Variants in CCDC159 observed in about 807,000 individuals in gnomAD.
The protein encoded by CCDC159 is coiled-coil domain-containing protein 159.
In CCDC159, 40 loss-of-function variants were observed where a neutral mutation model predicts 50.9. The ratio of observed to expected loss-of-function variants is 0.79; its 90% confidence interval spans 0.61 to 1.02. The LOEUF (loss-of-function observed/expected upper bound fraction) is 1.02, where lower values mean the gene tolerates loss of function less well. CCDC159 is among the 50% of genes least tolerant of loss of function. The pLI is 0.00. For synonymous variants in CCDC159, 146 were observed against 138.9 expected, an observed-to-expected ratio of 1.05 and a Z score of -0.36; for missense variants, 356 against 371.5, an observed-to-expected ratio of 0.96 and a Z score of 0.34.
rs1422142793 is a variant in CCDC159 at position 11,354,598 on chromosome 19, G to A, written c.791G>A (p.Cys264Tyr). Residue 264 changes from cysteine (C) to tyrosine (Y), a missense_variant, in exon 10 of 11, where the codon TGC becomes TAC. By Grantham distance (194) the Cys-to-Tyr change is radical. Coordinates refer to ENST00000458408, the MANE Select transcript of CCDC159 (RefSeq NM_001080503.3). ...CCTGCAGGCCACAAGGGGCACCAGT[G>A]CCTGAGCCCTCCACTCCCCTCCTGG... ...SSLRGHKGHQ[C>Y]LSPPLPSWDS... 2 of 1,576,006 alleles carry A rather than the reference G, an allele frequency of 1.3e-6. No individual in the cohort carries two copies. The highest frequency in any genetic ancestry group is 2.3e-5 in the East Asian group (1 of 43,936).
chr19:11,354,843 C>G, intron 10 of CCDC159, 30 bp from the exon 11 acceptor site: 1 of 1,613,192 alleles, frequency 6.2e-7, no homozygotes, highest in Non-Finnish European at 8.5e-7. Context: ...TGGACCTGGC[C>G]AGGCCCTGAC....
At chr19:11,353,664 C>A in intron 8 of CCDC159, 92 bp downstream of exon 8, 3 of 1,585,836 alleles carry the variant, frequency 1.9e-6, no homozygotes, top group Non-Finnish European at 2.6e-6. Context: ...CTGGAGCCCA[C>A]CTGAGTCCAG....
In CCDC159 at chr19:11,353,339, A is replaced by G. The variant is rs1055896730; in HGVS notation, c.568-112A>G. ...ATGGTCTCAATCTCCTGACCTCGTG[A>G]TCTGCCCGCCTCGGCCTCCCAAAGT... is the stretch of plus-strand genomic sequence containing the variant. On this transcript the variant is annotated intron_variant, in intron 7 of 10. Transcript: ENST00000458408. The G allele has an allele frequency of 1.8e-5, 20 of 1,127,484 alleles. No individual in the cohort carries two copies. The Admixed American group carries it at 5.3e-4, about 30-fold the overall frequency. 69.8% of individuals were successfully genotyped at this position (1,127,484 alleles called of 1,614,324 possible). A position where few individuals can be genotyped will look rare whatever the true frequency, so the allele number is the denominator to read the frequency against.
rs767361219 is a variant in CCDC159, at chr19:11,350,016, C to A, written c.134C>A (p.Ala45Asp). ...ELESLKSQLQ[A>D]QTKAFEFLNH... ...GAGTCACTCAAGAGCCAGTTACAGG[C>A]CCAGACCAAGGTGAACCACCTTGGC... Residue 45 changes from alanine to aspartate, a missense_variant, in exon 3 of 11, where the codon GCC becomes GAC. By Grantham distance (126) the Ala-to-Asp change is moderately radical. Transcript: ENST00000458408. The A allele has an allele frequency of 9.9e-6, 16 of 1,613,704 alleles. 1 individual carries two copies. In the East Asian group the frequency reaches 1.8e-4, roughly 18 times the overall value.
intron 7 of CCDC159, 74 bp downstream of exon 7, chr19:11,352,207 T>A: frequency 6.9e-7 from 1 of 1,446,940 alleles, no homozygotes; most frequent in Non-Finnish European, 9.6e-7. Flanking sequence ...GCCTCCACCA[T>A]GAGATTGGAG....
At position 11,353,774 on chromosome 19, in the gene CCDC159, C is replaced by T; in HGVS notation, c.690-18C>T. The stretch of plus-strand genomic sequence containing the variant: ...GTGTGGAGTCTCCCAGCGCCCCCAG[C>T]TCCTTGTCTTCTTGCAGGTCTGCTG... On this transcript the variant is annotated intron_variant, in intron 8 of 10. Coordinates refer to ENST00000458408, the MANE Select transcript of CCDC159 (RefSeq NM_001080503.3). 1 of 1,585,218 alleles carries T rather than the reference C, an allele frequency of 6.3e-7. No homozygotes were observed. Among genetic ancestry groups the T allele is most frequent in the South Asian group, 1.1e-5 (1 of 86,996 alleles).
intron 2 of CCDC159, 108 bp from the exon 3 acceptor site, chr19:11,349,830 C>T (rs1967470990): frequency 8.1e-7 from 1 of 1,236,114 alleles, no homozygotes; most frequent in Admixed American, 1.9e-5. Context: ...TGTTCTATAT[C>T]TTATCCCCTG....
At chr19:11,353,945 G>A (rs1967734666) in intron 9 of CCDC159, 71 bp downstream of exon 9, 1 of 1,290,162 alleles carries the variant, frequency 7.8e-7, no homozygotes, top group South Asian at 1.4e-5. Context: ...TATGTTCAGA[G>A]AGCCTATTTG....
chr19:11,349,617 G>T (rs761913864), intron 1 of CCDC159, 37 bp from the exon 2 acceptor site: 2 of 1,611,324 alleles, frequency 1.2e-6, no homozygotes, highest in Non-Finnish European at 1.7e-6. Flanking sequence ...GCAGCTCAGG[G>T]ACAAATTTCT....
At chr19:11,353,426 G>C in intron 7 of CCDC159, 25 bp from the exon 8 acceptor site, 2 of 1,548,732 alleles carry the variant, frequency 1.3e-6, no homozygotes, top group Non-Finnish European at 1.7e-6. Flanking sequence ...TATGACTGCT[G>C]TTCTCTCATC....
Position 11,354,863 on chromosome 19 carries a change from C to T in CCDC159, c.890-10C>T. On this transcript the variant is annotated splice_polypyrimidine_tract_variant and intron_variant, in intron 10 of 10. Coordinates refer to ENST00000458408, the MANE Select transcript of CCDC159 (RefSeq NM_001080503.3). ...CTGGCCAGGCCCTGACCCACCCTCT[C>T]TCTCCACAGCTTGAGCAGCCGGGAC... 1 of 1,613,436 alleles carries T rather than the reference C, an allele frequency of 6.2e-7. No individual in the cohort carries two copies. The highest frequency in any genetic ancestry group is 8.5e-7 in the Non-Finnish European group (1 of 1,179,852).
chr19:11,347,080 T>C (rs531907139), intron 1 of CCDC159, among the ~76,000 whole-genome samples: 1 of 152,144 alleles, frequency 6.6e-6, no homozygotes, highest in Admixed American at 6.6e-5. Context: ...CCAGGCCATC[T>C]AGCTGGAGAG....
rs757836266 is a variant in CCDC159, at chr19:11,350,951, C to T, written c.370C>T (p.Arg124Trp). 48 of 1,553,968 alleles carry T rather than the reference C, an allele frequency of 3.1e-5. No homozygotes were observed. The highest frequency in any genetic ancestry group is 7.1e-5 in the South Asian group (6 of 84,182). ...CCTGCGTGACAGTGAGGAGATGCAGCGGGCCCGCACCACTCGCTGCCTGCA... is the reference window on the plus strand; with the variant it reads ...CCTGCGTGACAGTGAGGAGATGCAGTGGGCCCGCACCACTCGCTGCCTGCA... ...KTLRDSEEMQRARTTRCLQLL... is the reference protein window; with the variant it reads ...KTLRDSEEMQWARTTRCLQLL... The change falls in exon 5 of 11, where the codon CGG (arginine) becomes TGG (tryptophan). Residue 124 changes from arginine (R) to tryptophan (W), a missense_variant. Transcript: ENST00000458408.
chr19:11,349,377 A>G (rs1967445846), intron 1 of CCDC159: 1 of 515,596 alleles, frequency 1.9e-6, no homozygotes, highest in Middle Eastern at 5.5e-4. Context: ...AAATGAATGG[A>G]TGAAGGAATG....
intron 5 of CCDC159, 148 bp from the exon 6 acceptor site, chr19:11,351,758 G>T: frequency 1.6e-6 from 1 of 640,472 alleles, no homozygotes. Context: ...GGGGATGAGG[G>T]TAGGGGGATT....
Position 11,350,010 on chromosome 19 carries a change from T to C in CCDC159, c.128T>C (p.Leu43Ser), listed in dbSNP as rs759346064. The C allele has an allele frequency of 1.9e-6, 3 of 1,613,784 alleles. No individual in the cohort carries two copies. In the Admixed American group the frequency reaches 5.0e-5, roughly 27 times the overall value. Reference protein sequence around the residue: ...RCELESLKSQLQAQTKAFEFL... With the variant: ...RCELESLKSQSQAQTKAFEFL... ...GAACTTGAGTCACTCAAGAGCCAGT[T>C]ACAGGCCCAGACCAAGGTGAACCAC... Residue 43 changes from leucine (L) to serine (S), a missense_variant, in exon 3 of 11, where the codon TTA becomes TCA. Leu to Ser is a moderately radical substitution (Grantham distance 145, BLOSUM62 -2). Coordinates refer to ENST00000458408, the MANE Select transcript of CCDC159 (RefSeq NM_001080503.3).
intron 1 of CCDC159, 157 bp from the exon 2 acceptor site, chr19:11,349,497 T>A: frequency 4.6e-6 from 4 of 868,440 alleles, no homozygotes; most frequent in Non-Finnish European, 5.4e-6. Context: ...GGGAGGTGCA[T>A]GAATATGCCT....
chr19:11,352,158 G>A, intron 7 of CCDC159, 25 bp downstream of exon 7: 1 of 1,608,362 alleles, frequency 6.2e-7, no homozygotes. Flanking sequence ...TGGGGACCCT[G>A]GGGAGGAGTG....
intron 1 of CCDC159, chr19:11,347,985 T>G (rs1967353492): frequency 2.6e-6 from 1 of 389,890 alleles, no homozygotes; most frequent in Non-Finnish European, 5.1e-6. Flanking sequence ...CATTCACCTG[T>G]GGGGCCAGGT....
Sources: gnomAD v4.1 joint callset for allele counts (sites outside exome capture counted in the v4.1 genomes callset) on GRCh38, gnomAD v4.1.1 for gene constraint, MANE v1.5 for transcripts, NCBI Gene and HGNC (gene_info 2026-07-23, HGNC 2026-07-21) for gene names.